The following HELLS variants were observed in gnomAD, a reference collection of about 807,000 sequenced individuals.
The protein encoded by HELLS is lymphoid-specific helicase.
HELLS carries 32 observed loss-of-function variants against 120.0 expected under a neutral mutation model. The ratio of observed to expected loss-of-function variants is 0.27; its 90% CI spans 0.20 to 0.36. The LOEUF (loss-of-function observed/expected upper bound fraction) is 0.36. Among genes scored for constraint, HELLS ranks in the 10% least tolerant of loss-of-function variants. The pLI is 1.00. For missense variants in HELLS, 650 were observed against 993.4 expected (o/e 0.65, Z 4.65); for synonymous variants, 341 against 323.4 (o/e 1.05, Z -0.58).
intron 10 of HELLS, among the ~76,000 whole-genome samples, chr10:94,580,763 GTA>G (rs1210503771): frequency 6.6e-6 from 1 of 151,810 alleles, no homozygotes; most frequent in African/African-American, 2.4e-5. Context: ...TCATATTTCT[GTA>G]TGTTAATATA....
chr10:94,568,575 G>A (rs1163467734), intron 6 of HELLS, among the ~76,000 whole-genome samples: 3 of 151,998 alleles, frequency 2.0e-5, no homozygotes, highest in African/African-American at 7.3e-5. Flanking sequence ...TCCTAGTCTA[G>A]CTCTCATTGT....
intron 7 of HELLS, 112 bp from the exon 8 acceptor site, chr10:94,573,848 A>G (rs527701567): frequency 2.2e-5 from 14 of 640,432 alleles, no homozygotes; most frequent in African/African-American, 1.5e-4. Context: ...TTAGTCTTCT[A>G]TACTTAATGA....
At chr10:94,585,968 TGTGTTTCAGCGGTATA>T (rs1845122586) in intron 12 of HELLS, among the ~76,000 whole-genome samples, 1 of 152,232 alleles carries the variant, frequency 6.6e-6, no homozygotes, top group Non-Finnish European at 1.5e-5. Context: ...TTTTTATACA[TGTGTTTCAGCGGTATA>T]GTGTGCCTCT....
At position 94,548,233 on chromosome 10, in the gene HELLS, T is replaced by C. The variant is rs1386449471; in HGVS notation, c.153+1735T>C. Among the ~76,000 whole-genome samples the C allele has an allele frequency of 2.0e-5, 3 of 152,330 alleles. No homozygotes were observed. The East Asian group carries it at 5.8e-4, about 29-fold the overall frequency. On this transcript the variant is annotated intron_variant, in intron 2 of 21. Coordinates refer to ENST00000348459, the MANE Select transcript of HELLS (RefSeq NM_018063.5). ...ACGATGATAAAATGGTATTTTATAATATACAAGATTATATACATATACTAA... is the reference window on the plus strand; with the variant it reads ...ACGATGATAAAATGGTATTTTATAACATACAAGATTATATACATATACTAA...
At chr10:94,592,369 A>G in intron 16 of HELLS, 26 bp from the exon 17 acceptor site, 1 of 1,582,222 alleles carries the variant, frequency 6.3e-7, no homozygotes, top group Non-Finnish European at 8.6e-7. Flanking sequence ...CAATCATTAG[A>G]AATATTAAGA....
chr10:94,580,187 T>TCACACA (rs1564602849), intron 10 of HELLS, among the ~76,000 whole-genome samples: 31 of 47,548 alleles, frequency 6.5e-4, no homozygotes, highest in African/African-American at 1.8e-3. Flanking sequence ...ACACACACAT[T>TCACACA]TTTTTTTTTT....
At chr10:94,566,624 T>C (rs781112232) in intron 6 of HELLS, among the ~76,000 whole-genome samples, 2 of 152,042 alleles carry the variant, frequency 1.3e-5, no homozygotes, top group Non-Finnish European at 2.9e-5. Flanking sequence ...TCTGTGGGCA[T>C]AGTAGTTTTT....
At position 94,576,720 on chromosome 10, in the gene HELLS, T is replaced by C. The variant is rs757569911; in HGVS notation, c.947T>C (p.Ile316Thr). ...GAACGTCAAAAATTGGTAAGAAATATTTACAAACGGAAAGGGACTTTGCAG... is the reference window on the plus strand; with the variant it reads ...GAACGTCAAAAATTGGTAAGAAATACTTACAAACGGAAAGGGACTTTGCAG... ...QEERQKLVRNIYKRKGTLQIH... is the reference protein window; with the variant it reads ...QEERQKLVRNTYKRKGTLQIH... The change falls in exon 10 of 22, where the codon ATT (isoleucine) becomes ACT (threonine). Residue 316 changes from isoleucine to threonine, a missense_variant. Around this residue, in one of 9 missense-constraint regions of HELLS, gnomAD observed 61 missense variants for 86.5 expected, o/e 0.71. Coordinates refer to ENST00000348459, the MANE Select transcript of HELLS (RefSeq NM_018063.5). 1 of 1,611,456 alleles carries C rather than the reference T, an allele frequency of 6.2e-7. No homozygotes were observed. The highest frequency in any genetic ancestry group is 1.7e-5 in the Admixed American group (1 of 59,976).
At chr10:94,577,190 G>T in intron 10 of HELLS, 2 of 302,260 alleles carry the variant, frequency 6.6e-6, no homozygotes, top group East Asian at 9.9e-5. Flanking sequence ...TGGACTATTT[G>T]GTAGCATTTT....
intron 21 of HELLS, among the ~76,000 whole-genome samples, chr10:94,600,577 A>C: frequency 6.6e-6 from 1 of 152,276 alleles, no homozygotes; most frequent in South Asian, 2.1e-4. Flanking sequence ...ACTGATAGGA[A>C]ATTCCTATTA....
intron 8 of HELLS, among the ~76,000 whole-genome samples, chr10:94,607,275 TC>T (rs201347095): frequency 0.012 from 1,817 of 152,322 alleles, 54 homozygotes; most frequent in African/African-American, 0.042. Flanking sequence ...ACTGATACTT[TC>T]ATTTCTGTTG....
At chr10:94,575,417 AT>A (rs1485872211) in intron 9 of HELLS, among the ~76,000 whole-genome samples, 1 of 151,278 alleles carries the variant, frequency 6.6e-6, no homozygotes, top group Non-Finnish European at 1.5e-5. Flanking sequence ...CCTTCTGCAC[AT>A]TTTTGCCTTA....
downstream of HELLS, among the ~76,000 whole-genome samples, chr10:94,603,309 G>T (rs542890572): frequency 1.3e-5 from 2 of 152,080 alleles, no homozygotes; most frequent in Non-Finnish European, 2.9e-5. Flanking sequence ...TTAAGGTCTC[G>T]TGACGTCAGT....
exon 10 of HELLS, chr10:94,613,468 A>G (rs1846214252): frequency 1.3e-5 from 2 of 152,222 alleles, no homozygotes; most frequent in South Asian, 2.1e-4. Flanking sequence ...AAAATAAGCA[A>G]CATCTTAAAT....
chr10:94,607,997 T>C, exon 9 of HELLS: 1 of 377,030 alleles, frequency 2.7e-6, no homozygotes, highest in Non-Finnish European at 5.4e-6. Context: ...AGTGCTGGGA[T>C]TACAAGCGTG....
chr10:94,567,235 TC>T (rs890537984), intron 6 of HELLS, among the ~76,000 whole-genome samples: 1 of 152,160 alleles, frequency 6.6e-6, no homozygotes, highest in Non-Finnish European at 1.5e-5. Context: ...CATTGTGTTT[TC>T]CTGTCTGCAG....
chr10:94,545,808 T>TC lies in HELLS; in HGVS notation c.-111dup. ...CCCGCGAAGGAGAAGCGCGCTTTTT[T>TC]CCCTGGCGGGGGATTTGGCTAGAAG... On this transcript the variant is annotated 5_prime_UTR_variant, in exon 1 of 22. Transcript: ENST00000348459. 8.0e-7 allele frequency: 1 copy of TC among 1,256,330 alleles called. No individual in the cohort carries two copies. The highest frequency in any genetic ancestry group is 1.1e-6 in the Non-Finnish European group (1 of 877,556). The allele number at this position is 1,256,330 out of a possible 1,614,324, so 77.8% of individuals were successfully genotyped here.
At chr10:94,548,966 C>T (rs1842860951) in intron 2 of HELLS, among the ~76,000 whole-genome samples, 1 of 152,122 alleles carries the variant, frequency 6.6e-6, no homozygotes, top group African/African-American at 2.4e-5. Context: ...TGCACTCCAG[C>T]CTGGGTGACA....
intron 2 of HELLS, among the ~76,000 whole-genome samples, chr10:94,548,765 G>A (rs573942567): frequency 2.6e-5 from 4 of 152,168 alleles, no homozygotes; most frequent in Admixed American, 2.0e-4. Context: ...AGGCCGAGGC[G>A]GGTGGATCAC....
Sources: gnomAD v4.1 joint callset for allele counts (sites outside exome capture counted in the v4.1 genomes callset) on GRCh38, gnomAD v4.1.1 for gene constraint, gnomAD v4.1.1 regional missense constraint, MANE v1.5 for transcripts, NCBI Gene and HGNC (gene_info 2026-07-23, HGNC 2026-07-21) for gene names.